Variants in CCT6B observed in about 807,000 individuals in gnomAD.
CCT6B encodes chaperonin containing TCP1 subunit 6B, also known as probable T-complex protein 1 subunit zeta-2.
In CCT6B, 49 loss-of-function variants were observed where a neutral mutation model predicts 61.5. The ratio of observed to expected loss-of-function variants is 0.80; its 90% CI spans 0.63 to 1.01. CCT6B has a LOEUF of 1.01. CCT6B is among the 50% of genes least tolerant of loss of function. The probability of loss-of-function intolerance (pLI) is 0.00; values close to 1 mark genes in which losing one functional copy is unlikely to be tolerated. For synonymous variants in CCT6B, 228 were observed against 214.5 expected (o/e 1.06, Z -0.55); for missense variants, 666 against 634.7 (o/e 1.05, Z -0.53).
chr17:34,946,954 A>G (rs2090230891), intron 5 of CCT6B, among the ~76,000 whole-genome samples: 2 of 152,200 alleles, frequency 1.3e-5, no homozygotes, highest in South Asian at 4.1e-4. Flanking sequence ...GAGAGTGCTG[A>G]TTACACAGAT....
chr17:34,946,315 G>A (rs1355597840), intron 5 of CCT6B, among the ~76,000 whole-genome samples: 1 of 152,240 alleles, frequency 6.6e-6, no homozygotes. Flanking sequence ...AGCATGATGA[G>A]TGAGAACCAG....
chr17:34,959,123 C>CTTTTT (rs11374610), intron 2 of CCT6B, among the ~76,000 whole-genome samples: 12 of 102,518 alleles, frequency 1.2e-4, no homozygotes, highest in Admixed American at 2.6e-4. Flanking sequence ...AAAAAAAAAA[C>CTTTTT]TTTTTTTTTT....
Position 34,928,090 on chromosome 17 carries a change from C to G in CCT6B, c.1551G>C (p.Leu517=). The change falls in exon 14 of 14, where the codon CTG becomes CTC. Residue 517 remains leucine (L), a synonymous_variant. Transcript: ENST00000314144. The part of the protein sequence containing the change: ...SCTVIATNIL[L]VDEIMRAGMS... The stretch of plus-strand genomic sequence containing the variant: ...TCCCAGCTCGCATAATTTCATCAAC[C>G]AGGAGAATGTTGGTGGCAATCACTG... The G allele has an allele frequency of 3.1e-6, 5 of 1,611,876 alleles. No homozygotes were observed. The highest frequency in any genetic ancestry group is 4.2e-6 in the Non-Finnish European group (5 of 1,178,952).
At chr17:34,944,790 G>A (rs1302923281) in intron 5 of CCT6B, among the ~76,000 whole-genome samples, 1 of 152,222 alleles carries the variant, frequency 6.6e-6, no homozygotes, top group Non-Finnish European at 1.5e-5. Flanking sequence ...GTCGGGCCTG[G>A]TGGCAGGCAC....
rs760785628 is a variant in CCT6B at position 34,958,610 on chromosome 17, C to G, written c.286G>C (p.Val96Leu). Residue 96 changes from valine to leucine, a missense_variant, in exon 3 of 14, where the codon GTT (valine) becomes CTT (leucine). Transcript: ENST00000314144. Reference protein sequence around the residue: ...DVTGDGTTSNVLIIGELLKQA... With the variant: ...DVTGDGTTSNLLIIGELLKQA... ...TTTAATAACTCTCCAATAATTAGAA[C>G]ATTTGAAGTAGTACCATCTCCTGTG... 2 of 1,598,998 alleles carry G rather than the reference C, an allele frequency of 1.3e-6. No individual in the cohort carries two copies. The highest frequency in any genetic ancestry group is 4.5e-5 in the East Asian group (2 of 44,408).
intron 13 of CCT6B, 132 bp from the exon 14 acceptor site, chr17:34,928,249 T>C (rs1464992466): frequency 3.9e-6 from 2 of 510,842 alleles, no homozygotes; most frequent in African/African-American, 4.0e-5. Flanking sequence ...GACAAGGCTA[T>C]TATAAATACA....
intron 8 of CCT6B, among the ~76,000 whole-genome samples, chr17:34,939,980 C>T (rs2090142135): frequency 6.6e-6 from 1 of 151,974 alleles, no homozygotes; most frequent in African/African-American, 2.4e-5. Flanking sequence ...GTGATAAGAA[C>T]ACTTAAAATC....
chr17:34,938,288 G>A (rs2090117383), intron 10 of CCT6B, among the ~76,000 whole-genome samples: 1 of 152,180 alleles, frequency 6.6e-6, no homozygotes, highest in Non-Finnish European at 1.5e-5. Context: ...AACATGGGCT[G>A]AATGTGGTGG....
At position 34,942,483 on chromosome 17, in the gene CCT6B, C is replaced by G. The variant is rs772289806; in HGVS notation, c.885+1G>C. On this transcript the variant is annotated splice_donor_variant, in intron 7 of 13. Coordinates refer to ENST00000314144, the MANE Select transcript of CCT6B (RefSeq NM_006584.4). LOFTEE classifies it high-confidence loss of function. ...ACTAAAATCTAAACTTTCTTTCTCA[C>G]CTTTTGATTAATGACGACAAATCCT... 2 of 1,585,572 alleles carry G rather than the reference C, an allele frequency of 1.3e-6. No individual in the cohort carries two copies. The highest frequency in any genetic ancestry group is 2.3e-5 in the East Asian group (1 of 43,830).
chr17:34,952,087 T>C, intron 4 of CCT6B, 34 bp from the exon 5 acceptor site: 2 of 1,290,120 alleles, frequency 1.6e-6, no homozygotes, highest in Non-Finnish European at 2.2e-6. Context: ...AGTTAAGTTA[T>C]TTGGACTACT....
At chr17:34,939,397 T>G (rs1299063734) in intron 9 of CCT6B, 67 bp from the exon 10 acceptor site, 5 of 1,297,764 alleles carry the variant, frequency 3.9e-6, no homozygotes, top group Non-Finnish European at 5.4e-6. Flanking sequence ...CAATTTATAC[T>G]AGAATACAAT....
chr17:34,929,913 G>T (rs1389840544), intron 12 of CCT6B, among the ~76,000 whole-genome samples: 1 of 152,082 alleles, frequency 6.6e-6, no homozygotes, highest in Admixed American at 6.6e-5. Flanking sequence ...CTTCAACTTT[G>T]ACTCTGCCAA....
At position 34,947,106 on chromosome 17, in the gene CCT6B, C is replaced by A. The variant is rs546767998; in HGVS notation, c.615-4200G>T. ...CATTGTTTAAGAGAAAATTAGCAAACAACAAAATATATCACTAGAAATTAT... is the reference window on the plus strand; with the variant it reads ...CATTGTTTAAGAGAAAATTAGCAAAAAACAAAATATATCACTAGAAATTAT... On this transcript the variant is annotated intron_variant, in intron 5 of 13. Transcript: ENST00000314144. Among the ~76,000 whole-genome samples, 95 of 152,138 alleles carry A rather than the reference C, an allele frequency of 6.2e-4. 2 individuals carry two copies. The highest frequency in any genetic ancestry group is 3.3e-3 in the South Asian group (16 of 4,828).
At position 34,961,279 on chromosome 17, in the gene CCT6B, C is replaced by G; in HGVS notation, c.115G>C (p.Gly39Arg). The G allele has an allele frequency of 6.2e-7, 1 of 1,611,566 alleles. No homozygotes were observed. The highest frequency in any genetic ancestry group is 8.5e-7 in the Non-Finnish European group (1 of 1,179,224). Residue 39 changes from glycine to arginine, a missense_variant, in exon 1 of 14, where the codon GGT becomes CGT. Physicochemically the swap from Gly to Arg is moderately radical, Grantham distance 125. Coordinates refer to ENST00000314144, the MANE Select transcript of CCT6B (RefSeq NM_006584.4). ...CACATTTTCATGGTGCCTTTAGGAC[C>G]CAAGTTGGTCCGCAGCACATCCTGC... The part of the protein sequence containing the change: ...GLQDVLRTNL[G>R]PKGTMKMLVS...
chr17:34,940,702 C>A, intron 7 of CCT6B, 81 bp from the exon 8 acceptor site: 1 of 631,550 alleles, frequency 1.6e-6, no homozygotes, highest in Non-Finnish European at 2.7e-6. Context: ...CACCACTTTA[C>A]TCTCTTAAAA....
In CCT6B at chr17:34,939,716, G is replaced by A. The variant is rs1225445369; in HGVS notation, c.969-3C>T. 1 of 1,577,920 alleles carries A rather than the reference G, an allele frequency of 6.3e-7. No homozygotes were observed. The highest frequency in any genetic ancestry group is 2.2e-5 in the East Asian group (1 of 44,640). On this transcript the variant is annotated splice_polypyrimidine_tract_variant and splice_region_variant and intron_variant, in intron 8 of 13. Coordinates refer to ENST00000314144, the MANE Select transcript of CCT6B (RefSeq NM_006584.4). ...TTCCACCACAAGCAAGAGAGAGTCT[G>A]AAATTACATATATGTCACCATAGCT...
intron 2 of CCT6B, 55 bp downstream of exon 2, chr17:34,959,532 T>C (rs559904948): frequency 2.9e-5 from 36 of 1,232,816 alleles, no homozygotes; most frequent in African/African-American, 2.7e-4. Flanking sequence ...CAAGTTCTAC[T>C]ATGCTTCTAA....
chr17:34,932,913 C>T (rs2090052749), intron 10 of CCT6B, among the ~76,000 whole-genome samples: 1 of 152,082 alleles, frequency 6.6e-6, no homozygotes, highest in East Asian at 1.9e-4. Flanking sequence ...TTCTAAGTAG[C>T]TGGAATTACA....
chr17:34,957,748 T>C (rs1468217239), intron 3 of CCT6B, among the ~76,000 whole-genome samples: 1 of 152,108 alleles, frequency 6.6e-6, no homozygotes, highest in Non-Finnish European at 1.5e-5. Context: ...AAATGGTCCC[T>C]GAAAGAGAGA....
Sources: allele counts gnomAD v4.1 joint callset (sites outside exome capture counted in the v4.1 genomes callset), GRCh38; gene constraint gnomAD v4.1.1; transcripts MANE v1.5; gene names NCBI Gene and HGNC (gene_info 2026-07-23, HGNC 2026-07-21).